AGAP1: variants seen among roughly 807,000 people sequenced by gnomAD.
AGAP1 encodes ArfGAP with GTPase domain, ankyrin repeat and PH domain 1.
In AGAP1, 29 loss-of-function variants were observed where a neutral mutation model predicts 105.3. The observed-to-expected ratio is 0.28, with a 90% CI of 0.21 to 0.38. The LOEUF (loss-of-function observed/expected upper bound fraction) is 0.38, where lower values mean the gene tolerates loss of function less well. Ranked by LOEUF, AGAP1 falls within the 10% of genes least tolerant of loss-of-function variation. AGAP1 has a pLI of 1.00. For synonymous variants in AGAP1, 509 were observed against 485.9 expected, an observed-to-expected ratio of 1.05 and a Z score of -0.63; for missense variants, 998 against 1,165.1, an observed-to-expected ratio of 0.86 and a Z score of 2.09.
At chr2:235,670,923 G>T (rs1159001433) in intron 1 of AGAP1, 3 of 1,336,236 alleles carry the variant, frequency 2.2e-6, no homozygotes, top group Non-Finnish European at 2.9e-6. Flanking sequence ...TTCGCGCGCA[G>T]GGACGGGGGC....
chr2:235,549,640 T>C lies in AGAP1; in HGVS notation c.163+54791T>C, dbSNP rs926401324. Among the ~76,000 whole-genome samples the C allele has an allele frequency of 6.6e-6, 1 of 152,234 alleles. No individual in the cohort carries two copies. The highest frequency in any genetic ancestry group is 1.5e-5 in the Non-Finnish European group (1 of 68,042). The stretch of plus-strand genomic sequence containing the variant: ...TTTAAAACTCCTTGGCACCATCTAA[T>C]TTTTTAAAAATGAGCCTAATACTGT... On this transcript the variant is annotated intron_variant, in intron 1 of 17. Coordinates refer to ENST00000304032, the MANE Select transcript of AGAP1 (RefSeq NM_001037131.3). The surrounding 1 kb of genome is among the most constrained non-coding windows in gnomAD (Gnocchi z 4.2).
chr2:236,083,337 C>T lies in AGAP1; in HGVS notation c.2114+34056C>T, dbSNP rs931116729. On this transcript the variant is annotated intron_variant, in intron 16 of 17. Coordinates refer to ENST00000304032, the MANE Select transcript of AGAP1 (RefSeq NM_001037131.3). The surrounding 1 kb of genome is among the most constrained non-coding windows in gnomAD (Gnocchi z 5.3). The stretch of plus-strand genomic sequence containing the variant: ...TTGCAAGGAAGCGTCGTCCTCCTCA[C>T]GGGCTCTTTACGTTGACATTGTGGC... Among the ~76,000 whole-genome samples, 3 of 152,116 alleles carry T rather than the reference C, an allele frequency of 2.0e-5. No individual in the cohort carries two copies. The highest frequency in any genetic ancestry group is 2.9e-5 in the Non-Finnish European group (2 of 68,026).
At position 235,586,067 on chromosome 2, in the gene AGAP1, T is replaced by G. The variant is rs914792455; in HGVS notation, c.163+91218T>G. 6.6e-6 allele frequency among the ~76,000 whole-genome samples: 1 copy of G among 152,096 alleles called. No individual in the cohort carries two copies. Among genetic ancestry groups the G allele is most frequent in the Non-Finnish European group, 1.5e-5 (1 of 68,008 alleles). ...TGAGTGGGAAGGGGATTTAGGAGCT[T>G]CATGAGCGAGTCAAATGCAAGTTGG... is the stretch of plus-strand genomic sequence containing the variant. On this transcript the variant is annotated intron_variant, in intron 1 of 17. Coordinates refer to ENST00000304032, the MANE Select transcript of AGAP1 (RefSeq NM_001037131.3). This position sits in a 1 kb window ranked among gnomAD's most constrained non-coding sequence, Gnocchi z 4.2.
At chr2:236,013,908 G>A (rs1402250773) in intron 13 of AGAP1, among the ~76,000 whole-genome samples, 2 of 152,080 alleles carry the variant, frequency 1.3e-5, no homozygotes, top group Admixed American at 6.5e-5. Context: ...GCCTCAAGTC[G>A]ATGTCTTCCC....
chr2:235,782,338 A>G (rs1956318057), intron 6 of AGAP1, among the ~76,000 whole-genome samples: 1 of 151,738 alleles, frequency 6.6e-6, no homozygotes, highest in African/African-American at 2.4e-5. Context: ...TTTCTCATGT[A>G]TATTATTTTT....
chr2:235,863,024 A>G (rs1276951320), intron 9 of AGAP1, among the ~76,000 whole-genome samples: 1 of 152,212 alleles, frequency 6.6e-6, no homozygotes, highest in East Asian at 1.9e-4. Context: ...CTCACTGGTT[A>G]TATTACCTTG....
At chr2:235,693,625 G>A (rs1949851523) in intron 1 of AGAP1, among the ~76,000 whole-genome samples, 1 of 152,156 alleles carries the variant, frequency 6.6e-6, no homozygotes, top group Non-Finnish European at 1.5e-5. Flanking sequence ...CGAAGCTGCG[G>A]CGGGAGGATC....
chr2:235,534,769 AAGGC>A (rs1943156084), intron 1 of AGAP1, among the ~76,000 whole-genome samples: 1 of 152,156 alleles, frequency 6.6e-6, no homozygotes. Context: ...GGGAAATTCA[AAGGC>A]AGCCATCCGT....
rs991177594 is a variant in AGAP1 at position 235,700,926 on chromosome 2, C to T, written c.164-8253C>T. Among the ~76,000 whole-genome samples, 10 of 146,588 alleles carry T rather than the reference C, an allele frequency of 6.8e-5. No homozygotes were observed. Among genetic ancestry groups the T allele is most frequent in the Admixed American group, 1.4e-4 (2 of 14,520 alleles). On this transcript the variant is annotated intron_variant, in intron 1 of 17. Transcript: ENST00000304032. The surrounding 1 kb of genome is among the most constrained non-coding windows in gnomAD (Gnocchi z 6.1). ...TAATATATGCATATATTATGTATTA[C>T]ACATGCTAGCATATTTGTAATATAT...
intron 1 of AGAP1, among the ~76,000 whole-genome samples, chr2:235,538,964 C>T (rs776791946): frequency 3.3e-5 from 5 of 152,094 alleles, no homozygotes; most frequent in Admixed American, 6.5e-5. Flanking sequence ...AGGAAAAACT[C>T]GGTCATGTTT....
intron 9 of AGAP1, among the ~76,000 whole-genome samples, chr2:235,817,624 G>A (rs531837833): frequency 9.9e-5 from 15 of 152,066 alleles, no homozygotes; most frequent in African/African-American, 3.4e-4. Flanking sequence ...GGTGCGGTGC[G>A]TCATGCCTGT....
At chr2:236,018,428 C>T (rs938783210) in intron 13 of AGAP1, among the ~76,000 whole-genome samples, 3 of 152,212 alleles carry the variant, frequency 2.0e-5, no homozygotes, top group African/African-American at 2.4e-5. Flanking sequence ...GAGGCCTCTT[C>T]GCTGCACCGC....
At chr2:235,808,766 G>A (rs1232024533) in intron 9 of AGAP1, among the ~76,000 whole-genome samples, 1 of 152,164 alleles carries the variant, frequency 6.6e-6, no homozygotes, top group Non-Finnish European at 1.5e-5. Context: ...TTGGCCCGGG[G>A]CACCTTTAGG....
intron 1 of AGAP1, among the ~76,000 whole-genome samples, chr2:235,585,399 T>C (rs1945074137): frequency 6.6e-6 from 1 of 152,148 alleles, no homozygotes; most frequent in Non-Finnish European, 1.5e-5. Context: ...GTGATTACAT[T>C]GGACCCACCT....
At position 235,879,136 on chromosome 2, in the gene AGAP1, C is replaced by G. The variant is rs1345644013; in HGVS notation, c.1051-4209C>G. ...CATTCCGTTAGCTAACAAGACACTT[C>G]CCCTGTGTAACTCAGTCCTGGCTTT... On this transcript the variant is annotated intron_variant, in intron 9 of 17. Transcript: ENST00000304032. This position sits in a 1 kb window ranked among gnomAD's most constrained non-coding sequence, Gnocchi z 5.0. Among the ~76,000 whole-genome samples, 2 of 152,224 alleles carry G rather than the reference C, an allele frequency of 1.3e-5. No homozygotes were observed. Among genetic ancestry groups the G allele is most frequent in the Non-Finnish European group, 2.9e-5 (2 of 68,042 alleles).
intron 16 of AGAP1, among the ~76,000 whole-genome samples, chr2:236,099,316 G>A (rs540825075): frequency 8.7e-4 from 132 of 152,010 alleles, no homozygotes; most frequent in African/African-American, 2.9e-3. Context: ...TTAGCTGGGC[G>A]TGGTGGCGAG....
intron 13 of AGAP1, among the ~76,000 whole-genome samples, chr2:235,999,556 T>C (rs1022674968): frequency 2.0e-5 from 2 of 102,170 alleles, no homozygotes; most frequent in African/African-American, 9.7e-5. Context: ...ATGGTGATGT[T>C]GGTAGCATGA....
At position 235,799,529 on chromosome 2, in the gene AGAP1, G is replaced by A; in HGVS notation, c.957+7G>A. On this transcript the variant is annotated splice_region_variant and intron_variant, in intron 8 of 17. Coordinates refer to ENST00000304032, the MANE Select transcript of AGAP1 (RefSeq NM_001037131.3). This position sits in a 1 kb window ranked among gnomAD's most constrained non-coding sequence, Gnocchi z 5.0. ...CCGGTCCAACCTGTTCACCGTGAGT[G>A]TCAACCCTGGGTGGAGATTTGAATG... The A allele has an allele frequency of 6.2e-7, 1 of 1,613,136 alleles. No individual in the cohort carries two copies. Among genetic ancestry groups the A allele is most frequent in the Non-Finnish European group, 8.5e-7 (1 of 1,179,300 alleles).
chr2:235,498,181 T>C (rs182382044), intron 1 of AGAP1, among the ~76,000 whole-genome samples: 2 of 152,328 alleles, frequency 1.3e-5, no homozygotes, highest in East Asian at 3.9e-4. Flanking sequence ...AACACATCCG[T>C]AATCCTGTTT....
Sources: gnomAD v4.1 joint callset for allele counts (sites outside exome capture counted in the v4.1 genomes callset) on GRCh38, gnomAD v4.1.1 for gene constraint, Gnocchi (gnomAD v3.1) non-coding constraint, MANE v1.5 for transcripts, NCBI Gene and HGNC (gene_info 2026-07-23, HGNC 2026-07-21) for gene names.